STK39: variants seen among roughly 807,000 people sequenced by gnomAD.
The protein encoded by STK39 is STE20/SPS1-related proline-alanine-rich protein kinase.
A neutral mutation model predicts 77.8 loss-of-function variants in STK39; 20 were observed. That is an observed-to-expected ratio of 0.26 (90% confidence interval 0.18 to 0.37). The LOEUF (loss-of-function observed/expected upper bound fraction) is 0.37, where lower values mean the gene tolerates loss of function less well. STK39 is among the 10% of genes least tolerant of loss of function. STK39 has a pLI of 1.00. For missense variants in STK39, 479 were observed against 656.5 expected, an observed-to-expected ratio of 0.73 and a Z score of 2.95; for synonymous variants, 246 against 234.1, an observed-to-expected ratio of 1.05 and a Z score of -0.47.
At chr2:168,246,983 G>C (rs1038516581) in intron 1 of STK39, among the ~76,000 whole-genome samples, 1 of 148,316 alleles carries the variant, frequency 6.7e-6, no homozygotes, top group Admixed American at 6.7e-5. Flanking sequence ...CATGCGGCTC[G>C]TCTGCAGTGC....
At chr2:168,100,979 T>A (rs1686808140) in intron 10 of STK39, among the ~76,000 whole-genome samples, 2 of 152,164 alleles carry the variant, frequency 1.3e-5, no homozygotes, top group Admixed American at 1.3e-4. Context: ...AATGACAGAC[T>A]GGTTAAAGAA....
At chr2:168,225,269 T>C (rs1285297598) in intron 1 of STK39, among the ~76,000 whole-genome samples, 1 of 150,336 alleles carries the variant, frequency 6.7e-6, no homozygotes, top group Non-Finnish European at 1.5e-5. Context: ...CTCTTCTCAA[T>C]ATCCATGGAG....
At chr2:168,143,260 C>A (rs1184714304) in intron 5 of STK39, among the ~76,000 whole-genome samples, 1 of 152,222 alleles carries the variant, frequency 6.6e-6, no homozygotes, top group Non-Finnish European at 1.5e-5. Flanking sequence ...CTGAATCCAT[C>A]CACTTCTTTG....
intron 10 of STK39, chr2:168,113,227 A>C (rs1687167008): frequency 6.6e-6 from 1 of 152,234 alleles, no homozygotes; most frequent in South Asian, 2.1e-4. Flanking sequence ...ACATCAAAGA[A>C]AGGAGCACAA....
intron 17 of STK39, among the ~76,000 whole-genome samples, chr2:167,963,536 A>C (rs12692866): frequency 0.13 from 19,771 of 149,764 alleles, 1,378 homozygotes; most frequent in Middle Eastern, 0.2. Context: ...AAAAAAAAAA[A>C]ACACACACAT....
chr2:168,084,249 G>C (rs888438384), intron 10 of STK39, among the ~76,000 whole-genome samples: 1 of 152,166 alleles, frequency 6.6e-6, no homozygotes, highest in African/African-American at 2.4e-5. Context: ...GCTAGGACTT[G>C]AGGATAACAA....
At chr2:168,233,706 G>C (rs896004271) in intron 1 of STK39, among the ~76,000 whole-genome samples, 1 of 152,148 alleles carries the variant, frequency 6.6e-6, no homozygotes, top group African/African-American at 2.4e-5. Flanking sequence ...CCTAATTAGG[G>C]TTAATTTCAG....
chr2:168,187,847 G>A (rs1329479809), intron 1 of STK39, among the ~76,000 whole-genome samples: 1 of 151,980 alleles, frequency 6.6e-6, no homozygotes, highest in Non-Finnish European at 1.5e-5. Flanking sequence ...GACGTCAATT[G>A]TCCAGTAACC....
At chr2:168,038,879 A>T (rs1317083250) in intron 14 of STK39, among the ~76,000 whole-genome samples, 1 of 152,222 alleles carries the variant, frequency 6.6e-6, no homozygotes, top group African/African-American at 2.4e-5. Context: ...GGCTAAAATT[A>T]AAAAGATTGA....
At chr2:168,033,315 A>T (rs911768146) in intron 14 of STK39, among the ~76,000 whole-genome samples, 1 of 152,206 alleles carries the variant, frequency 6.6e-6, no homozygotes, top group Non-Finnish European at 1.5e-5. Context: ...AGCTATGCTC[A>T]ATAGAGGAAA....
intron 10 of STK39, among the ~76,000 whole-genome samples, chr2:168,101,917 TC>T (rs1269330487): frequency 1.3e-5 from 2 of 151,976 alleles, no homozygotes; most frequent in Non-Finnish European, 2.9e-5. Flanking sequence ...GAAACTCCTA[TC>T]CCCATTAGCA....
At position 168,108,406 on chromosome 2, in the gene STK39, G is replaced by C. The variant is rs1158182235; in HGVS notation, c.1089+21135C>G. ...CTACAAAAAATACAAAAATTAGCCG[G>C]GCGTAGTGGCATGCACCTGTAGTCC... On this transcript the variant is annotated intron_variant, in intron 10 of 17. Coordinates refer to ENST00000355999, the MANE Select transcript of STK39 (RefSeq NM_013233.3). Among the ~76,000 whole-genome samples the C allele has an allele frequency of 4.6e-5, 7 of 152,090 alleles. No individual in the cohort carries two copies. The East Asian group carries it at 1.2e-3, about 25-fold the overall frequency.
chr2:168,095,296 C>T (rs1022527473), intron 10 of STK39, among the ~76,000 whole-genome samples: 1 of 152,188 alleles, frequency 6.6e-6, no homozygotes. Context: ...ACCTAACTTC[C>T]TACTGCATTT....
chr2:168,074,792 CAAAGT>C (rs1194503331), intron 12 of STK39, among the ~76,000 whole-genome samples, 185 bp downstream of exon 12: 1 of 152,136 alleles, frequency 6.6e-6, no homozygotes, highest in Admixed American at 6.5e-5. Context: ...GCTCAGAAAG[CAAAGT>C]AATTTGCCCC....
intron 1 of STK39, among the ~76,000 whole-genome samples, chr2:168,230,668 G>C (rs1690430539): frequency 1.3e-5 from 2 of 152,180 alleles, no homozygotes; most frequent in Admixed American, 1.3e-4. Context: ...TCCATGATGA[G>C]AGAACCGAGC....
At chr2:168,095,619 CTTTCTT>C (rs1686642830) in intron 10 of STK39, among the ~76,000 whole-genome samples, 2 of 70,106 alleles carry the variant, frequency 2.9e-5, no homozygotes, top group Admixed American at 1.8e-4. Context: ...TCGTGTATCT[CTTTCTT>C]TTTTTTTTTT....
Position 168,247,229 on chromosome 2 carries a change from G to A in STK39, c.207C>T (p.Ile69=). The A allele has an allele frequency of 1.7e-6, 2 of 1,196,922 alleles. No individual in the cohort carries two copies. Among genetic ancestry groups the A allele is most frequent in the Non-Finnish European group, 2.1e-6 (2 of 960,298 alleles). The allele number at this position is 1,196,922 out of a possible 1,614,324, so 74.1% of individuals were successfully genotyped here. A position where few individuals can be genotyped will look rare whatever the true frequency, so the allele number is the denominator to read the frequency against. ...CCCCGCCGCGCCCGCCGCACTGACC[G>A]ATAACCTCCTGCAGCTCGTACGCGT... ...CRDAYELQEV[I]GSGATAVVQA... The change falls in exon 1 of 18, where the codon ATC becomes ATT. Residue 69 remains isoleucine, a splice_region_variant and synonymous_variant. Coordinates refer to ENST00000355999, the MANE Select transcript of STK39 (RefSeq NM_013233.3).
chr2:168,236,766 C>T lies in STK39; in HGVS notation c.208+10462G>A, dbSNP rs4525660. Among the ~76,000 whole-genome samples, 46 of 152,130 alleles carry T rather than the reference C, an allele frequency of 3.0e-4. No individual in the cohort carries two copies. The South Asian group carries it at 8.5e-3, about 28-fold the overall frequency. ...CAAAGATCAGATGGTTGTAGATATG[C>T]GGCATTATTTCTGAGGGCTCTGTTC... On this transcript the variant is annotated intron_variant, in intron 1 of 17. Coordinates refer to ENST00000355999, the MANE Select transcript of STK39 (RefSeq NM_013233.3).
At chr2:168,108,971 T>C (rs1687051872) in intron 10 of STK39, among the ~76,000 whole-genome samples, 1 of 152,160 alleles carries the variant, frequency 6.6e-6, no homozygotes, top group Admixed American at 6.5e-5. Context: ...TCGTAACAAC[T>C]CAATGTGTAG....
Sources: allele counts gnomAD v4.1 joint callset (sites outside exome capture counted in the v4.1 genomes callset), GRCh38; gene constraint gnomAD v4.1.1; transcripts MANE v1.5; gene names NCBI Gene and HGNC (gene_info 2026-07-23, HGNC 2026-07-21).